EIF3J: variants seen among roughly 807,000 people sequenced by gnomAD.
EIF3J encodes eukaryotic translation initiation factor 3 subunit J.
In EIF3J, 15 loss-of-function variants were observed where a neutral mutation model predicts 39.0. The observed-to-expected ratio is 0.38, with a 90% CI of 0.26 to 0.59. The LOEUF (loss-of-function observed/expected upper bound fraction) is 0.59, where lower values mean the gene tolerates loss of function less well. EIF3J is among the 20% of genes least tolerant of loss of function. The pLI is 0.60. For missense variants in EIF3J, 226 were observed against 308.6 expected, an observed-to-expected ratio of 0.73 and a Z score of 2.00; for synonymous variants, 98 against 112.9, an observed-to-expected ratio of 0.87 and a Z score of 0.84.
intron 5 of EIF3J, 121 bp downstream of exon 5, chr15:44,554,788 AGTTTTTAATCTCTGTGTATATTTGAG>A (rs1282126533): frequency 1.7e-5 from 9 of 542,990 alleles, no homozygotes; most frequent in Non-Finnish European, 2.9e-5. Flanking sequence ...ATTAGAAAGC[AGTTTTTAATCTCTGTGTATATTTGAG>A]ATTTCATTAC....
At chr15:44,560,659 A>C (rs943258151) in intron 7 of EIF3J, 1 of 338,864 alleles carries the variant, frequency 3.0e-6, no homozygotes, top group Non-Finnish European at 5.4e-6. Flanking sequence ...AGTATTTATA[A>C]GAGTAAAGTA....
chr15:44,547,785 C>T (rs908012772), intron 2 of EIF3J, among the ~76,000 whole-genome samples: 1 of 152,074 alleles, frequency 6.6e-6, no homozygotes, highest in Non-Finnish European at 1.5e-5. Flanking sequence ...ATTATATAGA[C>T]TTAATTCATT....
At chr15:44,553,974 A>C (rs1410220813) in intron 4 of EIF3J, among the ~76,000 whole-genome samples, 3 of 152,204 alleles carry the variant, frequency 2.0e-5, no homozygotes, top group Admixed American at 1.3e-4. Flanking sequence ...AAGTAACCCC[A>C]GTCTTCCTGG....
Position 44,561,134 on chromosome 15 carries a change from T to C in EIF3J, c.762T>C (p.Tyr254=). ...GGYDGGYVQD[Y]EDFM Reference sequence around the variant, plus strand: ...ATGATGGAGGATATGTACAAGACTATGAAGACTTCATGTGACATTTTATCT... The same window carrying C: ...ATGATGGAGGATATGTACAAGACTACGAAGACTTCATGTGACATTTTATCT... The change falls in exon 8 of 8, where the codon TAT becomes TAC. Residue 254 remains tyrosine (Y), a synonymous_variant. Coordinates refer to ENST00000261868, the MANE Select transcript of EIF3J (RefSeq NM_003758.4). 1 of 1,611,852 alleles carries C rather than the reference T, an allele frequency of 6.2e-7. No homozygotes were observed. The highest frequency in any genetic ancestry group is 8.5e-7 in the Non-Finnish European group (1 of 1,179,462).
chr15:44,557,851 A>G (rs79652112), intron 6 of EIF3J: 24,163 of 340,246 alleles, frequency 0.071, 2,048 homozygotes, highest in African/African-American at 0.24. Flanking sequence ...TGTAGGGGTA[A>G]GAGGACTTCT....
intron 5 of EIF3J, among the ~76,000 whole-genome samples, chr15:44,555,323 TAGA>T (rs746477061): frequency 3.9e-5 from 6 of 152,164 alleles, no homozygotes; most frequent in Admixed American, 1.3e-4. Flanking sequence ...CTTTTCAGAG[TAGA>T]AGATCATGTT....
rs764922921 is a variant in EIF3J at position 44,560,229 on chromosome 15, T to C, written c.572-20T>C. The stretch of plus-strand genomic sequence containing the variant: ...ATGCTTAAAAATTCAAGTTTAATGG[T>C]ATGCCCTTTTTTTTTTAAGTGGAAA... On this transcript the variant is annotated intron_variant, in intron 6 of 7. Coordinates refer to ENST00000261868, the MANE Select transcript of EIF3J (RefSeq NM_003758.4). 6.3e-7 allele frequency: 1 copy of C among 1,594,784 alleles called. No homozygotes were observed. Among genetic ancestry groups the C allele is most frequent in the Non-Finnish European group, 8.5e-7 (1 of 1,173,128 alleles).
At chr15:44,556,741 A>G (rs1054797300) in intron 5 of EIF3J, among the ~76,000 whole-genome samples, 1 of 151,982 alleles carries the variant, frequency 6.6e-6, no homozygotes, top group Non-Finnish European at 1.5e-5. Flanking sequence ...CGGACTCCTG[A>G]CCTCAGGTGA....
intron 6 of EIF3J, chr15:44,558,886 C>G (rs1280329559): frequency 6.6e-6 from 1 of 152,056 alleles, no homozygotes; most frequent in African/African-American, 2.4e-5. Flanking sequence ...TAATTTTTTT[C>G]TGGTTTTTGG....
intron 3 of EIF3J, 23 bp downstream of exon 3, chr15:44,550,953 T>G (rs750834049): frequency 1.9e-6 from 3 of 1,597,902 alleles, no homozygotes; most frequent in Non-Finnish European, 8.5e-7. Context: ...GGCGCCTCCA[T>G]TTTTGTTTTT....
At chr15:44,550,800 G>T in intron 2 of EIF3J, 76 bp from the exon 3 acceptor site, 2 of 991,722 alleles carry the variant, frequency 2.0e-6, no homozygotes, top group Non-Finnish European at 3.1e-6. Context: ...TTTCTCTGGA[G>T]TTAGTCAAGT....
chr15:44,557,414 C>G, intron 5 of EIF3J, 75 bp from the exon 6 acceptor site: 1 of 1,131,254 alleles, frequency 8.8e-7, no homozygotes, highest in Non-Finnish European at 1.2e-6. Context: ...ATTCAGATAG[C>G]TATTGGCTTT....
chr15:44,561,854 A>G lies in EIF3J; in HGVS notation c.*705A>G, dbSNP rs576501636. Reference sequence around the variant, plus strand: ...TGAACTGCTTCAGGTGGGGGAGGGAAACTTATTTTTATTTGCCTGATTTAA... The same window carrying G: ...TGAACTGCTTCAGGTGGGGGAGGGAGACTTATTTTTATTTGCCTGATTTAA... On this transcript the variant is annotated 3_prime_UTR_variant, in exon 8 of 8. Coordinates refer to ENST00000261868, the MANE Select transcript of EIF3J (RefSeq NM_003758.4). 2.6e-5 allele frequency: 4 copies of G among 152,686 alleles called. No homozygotes were observed. The highest frequency in any genetic ancestry group is 9.6e-5 in the African/African-American group (4 of 41,538). The allele number at this position is 152,686 out of a possible 1,614,324, so 9.5% of individuals were successfully genotyped here. A position where few individuals can be genotyped will look rare whatever the true frequency, so the allele number is the denominator to read the frequency against.
In EIF3J at chr15:44,557,612, G is replaced by GT; in HGVS notation, c.539dup (p.Leu180PhefsTer15). 6.5e-7 allele frequency: 1 copy of GT among 1,527,732 alleles called. No individual in the cohort carries two copies. Among genetic ancestry groups the GT allele is most frequent in the South Asian group, 1.3e-5 (1 of 74,530 alleles). 94.6% of individuals were successfully genotyped at this position (1,527,732 alleles called of 1,614,324 possible). On this transcript the variant is annotated frameshift_variant, in exon 6 of 8. Coordinates refer to ENST00000261868, the MANE Select transcript of EIF3J (RefSeq NM_003758.4). LOFTEE classifies it high-confidence loss of function. ...TATGAAAAGTCACTATATTATGCCA[G>GT]TTTTTTGGAAGTCTTAGTTCGAGAT... is the stretch of plus-strand genomic sequence containing the variant.
At chr15:44,538,566 C>T (rs569219080) in intron 2 of EIF3J, among the ~76,000 whole-genome samples, 2 of 152,268 alleles carry the variant, frequency 1.3e-5, no homozygotes, top group African/African-American at 2.4e-5. Flanking sequence ...TCTGTTCTCT[C>T]CCCAGTCCGA....
At chr15:44,554,467 C>T (rs980766823) in intron 4 of EIF3J, 86 bp from the exon 5 acceptor site, 28 of 528,376 alleles carry the variant, frequency 5.3e-5, no homozygotes, top group South Asian at 1.0e-4. Context: ...TTATTATATA[C>T]GCTTATTTAA....
intron 2 of EIF3J, among the ~76,000 whole-genome samples, chr15:44,548,344 G>A (rs142797675): frequency 0.023 from 3,517 of 152,294 alleles, 80 homozygotes; most frequent in East Asian, 0.097. Flanking sequence ...GAACCCAGGA[G>A]GCAGAGGTTG....
At chr15:44,550,308 CA>C (rs934034193) in intron 2 of EIF3J, among the ~76,000 whole-genome samples, 67 of 152,154 alleles carry the variant, frequency 4.4e-4, no homozygotes, top group African/African-American at 1.6e-3. Context: ...TGTTTTGAGA[CA>C]GGGTTTTTAT....
chr15:44,537,566 C>T (rs918353383), intron 2 of EIF3J, 139 bp downstream of exon 2: 6 of 878,016 alleles, frequency 6.8e-6, no homozygotes, highest in Admixed American at 7.9e-5. Flanking sequence ...GCTCTCTTCC[C>T]CTCCGCTTGC....
Sources: gnomAD v4.1 joint callset for allele counts (sites outside exome capture counted in the v4.1 genomes callset) on GRCh38, gnomAD v4.1.1 for gene constraint, MANE v1.5 for transcripts, NCBI Gene and HGNC (gene_info 2026-07-23, HGNC 2026-07-21) for gene names.